WDR70: variants seen among roughly 807,000 people sequenced by gnomAD.
The protein encoded by WDR70 is WD repeat-containing protein 70.
In WDR70, 53 loss-of-function variants were observed where a neutral mutation model predicts 88.6. The ratio of observed to expected loss-of-function variants is 0.60; its 90% CI spans 0.48 to 0.75. WDR70 has a LOEUF of 0.75. Among genes scored for constraint, WDR70 ranks in the 30% least tolerant of loss-of-function variants. The pLI is 0.00. For synonymous variants in WDR70, 280 were observed against 270.0 expected (o/e 1.04, Z -0.36); for missense variants, 610 against 823.2 (o/e 0.74, Z 3.17).
intron 14 of WDR70, 58 bp from the exon 15 acceptor site, chr5:37,722,797 T>C (rs1256345082): frequency 1.3e-6 from 2 of 1,522,220 alleles, no homozygotes; most frequent in Non-Finnish European, 1.8e-6. Context: ...GTTTTCAACA[T>C]GAAATTTTCT....
chr5:37,506,163 C>T (rs552095211), intron 8 of WDR70: 15 of 1,046,668 alleles, frequency 1.4e-5, no homozygotes, highest in South Asian at 7.5e-5. Flanking sequence ...AAGGTCCTAA[C>T]GAGAAACATC....
chr5:37,607,010 C>T (rs891731149), intron 10 of WDR70, among the ~76,000 whole-genome samples: 1 of 149,480 alleles, frequency 6.7e-6, no homozygotes, highest in African/African-American at 2.5e-5. Context: ...ATGATCTCAG[C>T]TCACTGCAAC....
At chr5:37,478,191 G>A (rs545933524) in intron 7 of WDR70, among the ~76,000 whole-genome samples, 21 of 152,206 alleles carry the variant, frequency 1.4e-4, no homozygotes, top group South Asian at 8.3e-4. Flanking sequence ...GTTTTTCTCC[G>A]TTGCATCGAC....
At chr5:37,422,050 T>C (rs191119125) in intron 5 of WDR70, among the ~76,000 whole-genome samples, 110 of 152,186 alleles carry the variant, frequency 7.2e-4, no homozygotes, top group Non-Finnish European at 1.3e-3. Flanking sequence ...AGCTTCTCTC[T>C]TCTTTCATTC....
intron 8 of WDR70, among the ~76,000 whole-genome samples, chr5:37,483,618 C>T (rs1739746215): frequency 6.6e-6 from 1 of 152,224 alleles, no homozygotes; most frequent in Non-Finnish European, 1.5e-5. Flanking sequence ...CTGTTGGGTA[C>T]ACCTCCCAGA....
intron 3 of WDR70, among the ~76,000 whole-genome samples, chr5:37,387,615 G>C (rs1256496244): frequency 6.7e-6 from 1 of 149,806 alleles, no homozygotes; most frequent in Non-Finnish European, 1.5e-5. Context: ...TATAGAAGTA[G>C]TATTCATCAT....
intron 9 of WDR70, among the ~76,000 whole-genome samples, chr5:37,573,087 A>T (rs1217216592): frequency 2.0e-5 from 3 of 152,268 alleles, no homozygotes; most frequent in South Asian, 2.1e-4. Context: ...TTTCTCTGTT[A>T]TACTTTTTGA....
At chr5:37,697,623 G>A in intron 10 of WDR70, 32 bp from the exon 11 acceptor site, 1 of 1,565,180 alleles carries the variant, frequency 6.4e-7, no homozygotes, top group African/African-American at 1.4e-5. Context: ...ATTGAGGTGA[G>A]ATATTAACAC....
chr5:37,729,535 G>T (rs1320123821), intron 17 of WDR70, among the ~76,000 whole-genome samples: 3 of 152,114 alleles, frequency 2.0e-5, no homozygotes, highest in Non-Finnish European at 2.9e-5. Flanking sequence ...GCTCTTATTT[G>T]TTCAGGTCTG....
chr5:37,731,860 A>G (rs1392604280), intron 17 of WDR70, among the ~76,000 whole-genome samples: 1 of 152,166 alleles, frequency 6.6e-6, no homozygotes, highest in Non-Finnish European at 1.5e-5. Flanking sequence ...CAGAGACCTA[A>G]CTTATCACTG....
intron 7 of WDR70, among the ~76,000 whole-genome samples, chr5:37,460,494 A>G (rs1332839093): frequency 1.6e-5 from 1 of 64,502 alleles, no homozygotes; most frequent in African/African-American, 4.7e-5. Context: ...GAACAATGAG[A>G]TCACATGGAC....
chr5:37,492,733 T>G (rs1251850554), intron 8 of WDR70, among the ~76,000 whole-genome samples: 1 of 152,236 alleles, frequency 6.6e-6, no homozygotes, highest in Non-Finnish European at 1.5e-5. Context: ...GCCTGGTTTC[T>G]TCTTGCTCCG....
intron 9 of WDR70, among the ~76,000 whole-genome samples, chr5:37,531,625 C>T (rs1367604370): frequency 8.3e-6 from 1 of 120,152 alleles, no homozygotes; most frequent in African/African-American, 3.0e-5. Context: ...ATAAGACTAG[C>T]TACTCTTGCT....
intron 17 of WDR70, among the ~76,000 whole-genome samples, chr5:37,748,829 G>A (rs116447356): frequency 0.066 from 10,016 of 152,186 alleles, 353 homozygotes; most frequent in South Asian, 0.12. Context: ...AAAAGAAGTC[G>A]TTTATGCGGC....
chr5:37,631,680 T>G (rs1239951395), intron 10 of WDR70, among the ~76,000 whole-genome samples: 1 of 152,128 alleles, frequency 6.6e-6, no homozygotes, highest in East Asian at 1.9e-4. Flanking sequence ...GGTCTGTACT[T>G]TTAACCAACA....
At chr5:37,561,865 T>A (rs1213012106) in intron 9 of WDR70, among the ~76,000 whole-genome samples, 3 of 152,170 alleles carry the variant, frequency 2.0e-5, no homozygotes, top group African/African-American at 7.2e-5. Context: ...TATTGTTTCA[T>A]GTGTTATTGT....
At chr5:37,446,363 C>T (rs1738477379) in intron 7 of WDR70, among the ~76,000 whole-genome samples, 1 of 152,124 alleles carries the variant, frequency 6.6e-6, no homozygotes, top group South Asian at 2.1e-4. Context: ...GGCCATACTG[C>T]CCAAGGTAAT....
chr5:37,398,417 CTTCT>C (rs1749094594), intron 5 of WDR70, among the ~76,000 whole-genome samples: 2 of 152,132 alleles, frequency 1.3e-5, no homozygotes, highest in Admixed American at 6.6e-5. Flanking sequence ...TAACACCTCC[CTTCT>C]TTATGTGATG....
intron 9 of WDR70, among the ~76,000 whole-genome samples, chr5:37,518,199 G>C (rs979417606): frequency 1.3e-5 from 2 of 152,068 alleles, no homozygotes; most frequent in African/African-American, 4.8e-5. Context: ...ATAGACATGA[G>C]CCACTGCGCC....
Sources: allele counts gnomAD v4.1 joint callset (sites outside exome capture counted in the v4.1 genomes callset), GRCh38; gene constraint gnomAD v4.1.1; transcripts MANE v1.5; gene names NCBI Gene and HGNC (gene_info 2026-07-23, HGNC 2026-07-21).